KLF8: variants seen among roughly 807,000 people sequenced by gnomAD.
KLF8 encodes the protein KLF transcription factor 8.
KLF8 carries 10 observed loss-of-function variants against 18.2 expected under a neutral mutation model. That is an observed-to-expected ratio of 0.55 (90% CI 0.34 to 0.93). KLF8 has a LOEUF of 0.93. KLF8 is among the 40% of genes least tolerant of loss of function. The pLI is 0.02. For synonymous variants in KLF8, 109 were observed against 97.3 expected (o/e 1.12, Z -0.71); for missense variants, 264 against 277.9 (o/e 0.95, Z 0.36).
the KLF8 span, among the ~76,000 whole-genome samples, chrX:56,120,994 G>A: frequency 1.8e-5 from 2 of 110,125 alleles, no homozygotes; most frequent in Non-Finnish European, 3.8e-5. Flanking sequence ...AGACCATCCT[G>A]GCTAACACAG....
the KLF8 span, among the ~76,000 whole-genome samples, chrX:56,036,293 A>G: frequency 9.0e-6 from 1 of 111,412 alleles, no homozygotes; most frequent in Non-Finnish European, 1.9e-5. Context: ...ATTTTCTACT[A>G]GTAGTTTTAT....
At chrX:56,159,101 T>C in the KLF8 span, among the ~76,000 whole-genome samples, 2 of 112,186 alleles carry the variant, frequency 1.8e-5, no homozygotes. Flanking sequence ...CATGAAGCGT[T>C]GTTGAATTTT....
the KLF8 span, among the ~76,000 whole-genome samples, chrX:56,136,782 C>T: frequency 9.0e-6 from 1 of 110,514 alleles, no homozygotes; most frequent in East Asian, 2.8e-4. Context: ...AGAGCTTCTG[C>T]ACAGCAAAAG....
the KLF8 span, among the ~76,000 whole-genome samples, chrX:55,996,881 A>T: frequency 8.9e-6 from 1 of 111,985 alleles, no homozygotes; most frequent in Admixed American, 9.4e-5. Context: ...CATGCTTGTG[A>T]TGGAGGTGGC....
the KLF8 span, among the ~76,000 whole-genome samples, chrX:55,999,918 C>G: frequency 7.1e-5 from 8 of 111,919 alleles, no homozygotes; most frequent in Admixed American, 7.6e-4. Context: ...CTTGTCTTGT[C>G]CCAGTTCTGA....
chrX:56,076,593 A>G, the KLF8 span, among the ~76,000 whole-genome samples: 1 of 111,424 alleles, frequency 9.0e-6, no homozygotes, highest in Non-Finnish European at 1.9e-5. Flanking sequence ...TAGTGCTTCA[A>G]TAAACATACG....
the KLF8 span, among the ~76,000 whole-genome samples, chrX:56,018,392 G>T: frequency 7.2e-5 from 8 of 111,241 alleles, no homozygotes; most frequent in South Asian, 3.0e-3. Flanking sequence ...CTACTCAGAA[G>T]AAAAAAGAAA....
the KLF8 span, among the ~76,000 whole-genome samples, chrX:56,083,689 G>A: frequency 8.9e-6 from 1 of 112,084 alleles, no homozygotes; most frequent in African/African-American, 3.2e-5. Flanking sequence ...AGGCCATACA[G>A]CTGGAGGTGA....
the KLF8 span, among the ~76,000 whole-genome samples, chrX:56,194,141 C>G: frequency 9.0e-6 from 1 of 110,837 alleles, no homozygotes; most frequent in Non-Finnish European, 1.9e-5. Context: ...CAGCTCCCAG[C>G]GTGATCAAAG....
the KLF8 span, among the ~76,000 whole-genome samples, chrX:56,004,295 T>G: frequency 2.0e-3 from 225 of 112,319 alleles, no homozygotes; most frequent in Admixed American, 4.8e-3. Flanking sequence ...CTGTTATTAT[T>G]TGAATGGTAA....
the KLF8 span, among the ~76,000 whole-genome samples, chrX:55,954,304 G>C: frequency 9.0e-6 from 1 of 111,460 alleles, no homozygotes; most frequent in African/African-American, 3.3e-5. Flanking sequence ...AACAGAAGCT[G>C]GGTCTCTGTG....
At chrX:56,178,697 C>A in the KLF8 span, among the ~76,000 whole-genome samples, 21 of 112,309 alleles carry the variant, frequency 1.9e-4, no homozygotes, top group African/African-American at 6.8e-4. Context: ...CAGCTTTCTA[C>A]ATATGGCTAG....
At chrX:56,224,218 G>GGGTCTTGTT in the KLF8 span, among the ~76,000 whole-genome samples, 1 of 111,598 alleles carries the variant, frequency 9.0e-6, no homozygotes, top group African/African-American at 3.3e-5. Context: ...ATGTTATGGT[G>GGGTCTTGTT]GGTCTTGTTA....
chrX:56,042,210 G>A, the KLF8 span, among the ~76,000 whole-genome samples: 1 of 111,755 alleles, frequency 8.9e-6, no homozygotes, highest in Non-Finnish European at 1.9e-5. Context: ...TTTACATTGA[G>A]GTTTAATTTG....
At chrX:56,076,611 G>A in the KLF8 span, among the ~76,000 whole-genome samples, 2 of 111,431 alleles carry the variant, frequency 1.8e-5, no homozygotes, top group African/African-American at 6.5e-5. Context: ...ACGTGTGCAT[G>A]TGTCTTTATA....
chrX:56,004,952 T>C, the KLF8 span, among the ~76,000 whole-genome samples: 100 of 111,327 alleles, frequency 9.0e-4, no homozygotes, highest in African/African-American at 3.1e-3. Context: ...CCACCCACTT[T>C]GCTCCAGGGT....
chrX:56,106,009 T>G, the KLF8 span, among the ~76,000 whole-genome samples: 2 of 111,873 alleles, frequency 1.8e-5, no homozygotes, highest in Non-Finnish European at 3.8e-5. Flanking sequence ...AATTCTGGGT[T>G]GAAAATTCTT....
the KLF8 span, among the ~76,000 whole-genome samples, chrX:56,121,388 G>A: frequency 5.4e-5 from 6 of 110,720 alleles, no homozygotes; most frequent in Admixed American, 3.8e-4. Context: ...GTGAAGAAAG[G>A]GGAGAGGAAA....
At chrX:56,135,299 C>G in the KLF8 span, among the ~76,000 whole-genome samples, 1 of 111,654 alleles carries the variant, frequency 9.0e-6, no homozygotes, top group African/African-American at 3.3e-5. Context: ...TTGGAACCAA[C>G]CCAAATTTCC....
Sources: gnomAD v4.1 joint callset for allele counts (sites outside exome capture counted in the v4.1 genomes callset) on GRCh38, gnomAD v4.1.1 for gene constraint, MANE v1.5 for transcripts, NCBI Gene and HGNC (gene_info 2026-07-23, HGNC 2026-07-21) for gene names.